FAM90A1: variants seen among roughly 807,000 people sequenced by gnomAD.
The protein encoded by FAM90A1 is family with sequence similarity 90 member A1, also known as protein FAM90A1.
FAM90A1 carries 10 observed loss-of-function variants against 14.8 expected under a neutral mutation model. The observed-to-expected ratio is 0.67, with a 90% CI of 0.42 to 1.14. The LOEUF is 1.14. Ranked by LOEUF, FAM90A1 falls within the 50% of genes most tolerant of loss-of-function variation. FAM90A1 has a pLI of 0.00. For missense variants in FAM90A1, 567 were observed against 602.8 expected (o/e 0.94, Z 0.62); for synonymous variants, 236 against 248.4 (o/e 0.95, Z 0.47).
rs1948905637 is a variant in FAM90A1, at chr12:8,224,753, G to C, written c.80C>G (p.Pro27Arg). The stretch of plus-strand genomic sequence containing the variant: ...GGGCGGGGGAGCCCTTGGCCCAACT[G>C]GGGCCCTCCGCTGCTTCTGGAGGGT... ...AQTLQKQRRAPVGPRAPPPDE... is the reference protein window; with the variant it reads ...AQTLQKQRRARVGPRAPPPDE... The change falls in exon 4 of 7, where the codon CCA (proline) becomes CGA (arginine). Residue 27 changes from proline (P) to arginine (R), a missense_variant. By Grantham distance (103) the Pro-to-Arg change is moderately radical. Transcript: ENST00000538603. 1 of 1,592,492 alleles carries C rather than the reference G, an allele frequency of 6.3e-7. No homozygotes were observed. Among genetic ancestry groups the C allele is most frequent in the Non-Finnish European group, 8.5e-7 (1 of 1,170,042 alleles).
At chr12:8,227,397 G>A (rs1948966118) in intron 1 of FAM90A1, 83 bp downstream of exon 1, 2 of 387,364 alleles carry the variant, frequency 5.2e-6, no homozygotes, top group Non-Finnish European at 9.4e-6. Flanking sequence ...CAGGGCAGCG[G>A]GAGTCCTCGT....
In FAM90A1 at chr12:8,222,786, T is replaced by C. The variant is rs753725619; in HGVS notation, c.433-2A>G. On this transcript the variant is annotated splice_acceptor_variant, in intron 6 of 6. Coordinates refer to ENST00000538603, the MANE Select transcript of FAM90A1 (RefSeq NM_018088.3). LOFTEE classifies it high-confidence loss of function. Reference sequence around the variant, plus strand: ...GACCGGCATTGGCCCGCTTGCAACCTGAAAGAGAGGAAACAACACAGGTTA... The same window carrying C: ...GACCGGCATTGGCCCGCTTGCAACCCGAAAGAGAGGAAACAACACAGGTTA... 7 of 1,592,052 alleles carry C rather than the reference T, an allele frequency of 4.4e-6. No individual in the cohort carries two copies. Among genetic ancestry groups the C allele is most frequent in the Non-Finnish European group, 6.0e-6 (7 of 1,176,270 alleles).
chr12:8,222,572 G>A lies in FAM90A1; in HGVS notation c.645C>T (p.Val215=), dbSNP rs375767746. The A allele has an allele frequency of 1.8e-4, 295 of 1,612,036 alleles. No homozygotes were observed. The African/African-American group carries it at 3.2e-3, about 17-fold the overall frequency. Residue 215 remains valine, a synonymous_variant, in exon 7 of 7, where the codon GTC becomes GTT. Transcript: ENST00000538603. Reference sequence around the variant, plus strand: ...GGAGAGGCTCGGGGCCCTGGTGCCTGACTGCAGTCTGAGGGATGTCGGCCG... The same window carrying A: ...GGAGAGGCTCGGGGCCCTGGTGCCTAACTGCAGTCTGAGGGATGTCGGCCG... ...GAAADIPQTA[V]RHQGPEPLLV...
At chr12:8,225,527 G>A (rs1007544311) in intron 3 of FAM90A1, among the ~76,000 whole-genome samples, 1 of 152,206 alleles carries the variant, frequency 6.6e-6, no homozygotes, top group Non-Finnish European at 1.5e-5. Context: ...GTGAACAAGT[G>A]CCATATCGTA....
chr12:8,227,499 C>G lies in FAM90A1; in HGVS notation c.-440G>C. On this transcript the variant is annotated 5_prime_UTR_variant, in exon 1 of 7. Transcript: ENST00000538603. Reference sequence around the variant, plus strand: ...GCTTACCCCGCCATGTTTTCAAGCCCGAGGCCAGCTGGCTGCAGGTGCAGG... The same window carrying G: ...GCTTACCCCGCCATGTTTTCAAGCCGGAGGCCAGCTGGCTGCAGGTGCAGG... 1 of 761,080 alleles carries G rather than the reference C, an allele frequency of 1.3e-6. No individual in the cohort carries two copies. Among genetic ancestry groups the G allele is most frequent in the Non-Finnish European group, 2.0e-6 (1 of 494,094 alleles). 47.1% of individuals were successfully genotyped at this position (761,080 alleles called of 1,614,324 possible).
intron 3 of FAM90A1, among the ~76,000 whole-genome samples, chr12:8,225,246 C>T (rs760676551): frequency 6.6e-5 from 10 of 152,340 alleles, no homozygotes; most frequent in Middle Eastern, 3.4e-3. Flanking sequence ...ACAGAATGAT[C>T]GAAGCCACAG....
In FAM90A1 at chr12:8,221,685, A is replaced by G. The variant is rs749028733; in HGVS notation, c.*137T>C. ...TGCTCCCTGCCTGGCCTGGGCTCCC[A>G]CATCCACAGAAGGGCCACAGCCGGG... On this transcript the variant is annotated 3_prime_UTR_variant, in exon 7 of 7. Coordinates refer to ENST00000538603, the MANE Select transcript of FAM90A1 (RefSeq NM_018088.3). The G allele has an allele frequency of 1.6e-5, 16 of 984,610 alleles. No individual in the cohort carries two copies. The highest frequency in any genetic ancestry group is 3.1e-4 in the Middle Eastern group (1 of 3,176). The allele number at this position is 984,610 out of a possible 1,614,324, so 61.0% of individuals were successfully genotyped here.
chr12:8,225,729 G>A (rs12310290), intron 3 of FAM90A1, 107 bp downstream of exon 3: 6 of 151,708 alleles, frequency 4.0e-5, no homozygotes, highest in Admixed American at 3.3e-4. Context: ...ACACCCTACC[G>A]CATCAGCAAG....
At position 8,222,502 on chromosome 12, in the gene FAM90A1, C is replaced by A. The variant is rs1423519131; in HGVS notation, c.715G>T (p.Glu239Ter). The A allele has an allele frequency of 1.9e-6, 3 of 1,611,088 alleles. No individual in the cohort carries two copies. In the East Asian group the frequency reaches 6.7e-5, roughly 36 times the overall value. ...GTTTTGGAGGCAGCCTGGGGAACTTCTCGACAGCCACCCGCAGGGCTGCTG... is the reference window on the plus strand; with the variant it reads ...GTTTTGGAGGCAGCCTGGGGAACTTATCGACAGCCACCCGCAGGGCTGCTG... ...THSSPAGGCR[E>*]VPQAASKTHG... Residue 239 changes from glutamate to a stop codon, truncating the protein, a stop_gained, in exon 7 of 7, where the codon GAA (glutamate) becomes TAA (stop). Coordinates refer to ENST00000538603, the MANE Select transcript of FAM90A1 (RefSeq NM_018088.3). LOFTEE classifies it low-confidence loss of function (END_TRUNC).
At chr12:8,222,904 G>A (rs759244659) in intron 6 of FAM90A1, 120 bp from the exon 7 acceptor site, 58 of 1,153,900 alleles carry the variant, frequency 5.0e-5, no homozygotes, top group South Asian at 5.0e-4. Flanking sequence ...ATCGACAGGC[G>A]GTCCTTGGAA....
chr12:8,224,347 C>T (rs748528715), intron 4 of FAM90A1, 132 bp from the exon 5 acceptor site: 94 of 830,836 alleles, frequency 1.1e-4, no homozygotes, highest in African/African-American at 8.5e-4. Context: ...GCATGGGGGC[C>T]GTTAAGTGCT....
rs1938576608 is a variant in FAM90A1, at chr12:8,225,820, G to A, written c.-57+16C>T. The A allele has an allele frequency of 6.6e-6, 1 of 152,048 alleles. No individual in the cohort carries two copies. The highest frequency in any genetic ancestry group is 1.5e-5 in the Non-Finnish European group (1 of 68,036). 9.4% of individuals were successfully genotyped at this position (152,048 alleles called of 1,614,324 possible). ...CAGGGATTGCGTGAAACAAACAACTGTTCAGTGAAACTAACCTGAAATTAC... is the reference window on the plus strand; with the variant it reads ...CAGGGATTGCGTGAAACAAACAACTATTCAGTGAAACTAACCTGAAATTAC... On this transcript the variant is annotated intron_variant, in intron 3 of 6. Coordinates refer to ENST00000538603, the MANE Select transcript of FAM90A1 (RefSeq NM_018088.3).
chr12:8,224,020 G>T lies in FAM90A1; in HGVS notation c.319C>A (p.Pro107Thr), dbSNP rs1311981208. 8 of 1,611,960 alleles carry T rather than the reference G, an allele frequency of 5.0e-6. No individual in the cohort carries two copies. Among genetic ancestry groups the T allele is most frequent in the Admixed American group, 1.7e-5 (1 of 60,014 alleles). Residue 107 changes from proline to threonine, a missense_variant, in exon 5 of 7, where the codon CCA becomes ACA. Coordinates refer to ENST00000538603, the MANE Select transcript of FAM90A1 (RefSeq NM_018088.3). The stretch of plus-strand genomic sequence containing the variant: ...AAAACCACTCCCACTGCTCACCTTG[G>T]TCTCTCTTCCTTCTCTCCCTTATCC... ...NKDKGEKEER[P>T]RPQDPQRKAL...
At position 8,224,902 on chromosome 12, in the gene FAM90A1, A is replaced by C. The variant is rs1948911835; in HGVS notation, c.-56-14T>G. The C allele has an allele frequency of 6.4e-7, 1 of 1,564,410 alleles. No homozygotes were observed. Among genetic ancestry groups the C allele is most frequent in the Admixed American group, 1.7e-5 (1 of 59,598 alleles). On this transcript the variant is annotated splice_polypyrimidine_tract_variant and intron_variant, in intron 3 of 6. Transcript: ENST00000538603. ...TTGTCGGGTCACCTGAAACACACAC[A>C]AACACACACAAGTCGATGGTTAAGC...
At position 8,224,833 on chromosome 12, in the gene FAM90A1, C is replaced by T; in HGVS notation, c.-1G>A. 2 of 1,606,106 alleles carry T rather than the reference C, an allele frequency of 1.2e-6. No homozygotes were observed. The highest frequency in any genetic ancestry group is 2.3e-5 in the East Asian group (1 of 44,392). The stretch of plus-strand genomic sequence containing the variant: ...GTTTGGGGTCACGACGTGCCATCAT[C>T]TTCGTCTCCTGGGGGTTTTATGACC... On this transcript the variant is annotated 5_prime_UTR_variant, in exon 4 of 7. Coordinates refer to ENST00000538603, the MANE Select transcript of FAM90A1 (RefSeq NM_018088.3).
rs761787607 is a variant in FAM90A1, at chr12:8,221,953, C to G, written c.1264G>C (p.Ala422Pro). Residue 422 changes from alanine to proline, a missense_variant, in exon 7 of 7, where the codon GCC (alanine) becomes CCC (proline). Transcript: ENST00000538603. ...PSFHSPEKPG[A>P]FLAQSPHVSE... Reference sequence around the variant, plus strand: ...ACATGAGGGCTCTGAGCGAGGAAGGCTCCCGGCTTCTCAGGAGAGTGAAAT... The same window carrying G: ...ACATGAGGGCTCTGAGCGAGGAAGGGTCCCGGCTTCTCAGGAGAGTGAAAT... The G allele has an allele frequency of 1.3e-6, 2 of 1,596,710 alleles. No homozygotes were observed. The highest frequency in any genetic ancestry group is 1.7e-6 in the Non-Finnish European group (2 of 1,179,760).
rs201860555 is a variant in FAM90A1 at position 8,222,792 on chromosome 12, A to G, written c.433-8T>C. On this transcript the variant is annotated splice_region_variant and splice_polypyrimidine_tract_variant and intron_variant, in intron 6 of 6. Transcript: ENST00000538603. ...CATTGGCCCGCTTGCAACCTGAAAG[A>G]GAGGAAACAACACAGGTTAGAAGTT... The G allele has an allele frequency of 6.3e-7, 1 of 1,587,718 alleles. No individual in the cohort carries two copies.
chr12:8,226,773 T>C (rs945515416), intron 1 of FAM90A1, among the ~76,000 whole-genome samples: 5 of 73,758 alleles, frequency 6.8e-5, no homozygotes, highest in Non-Finnish European at 5.4e-5. Context: ...CCAAGCATCT[T>C]TTTTTTTTTC....
In FAM90A1 at chr12:8,224,089, GTTTCAGGT is replaced by G. The variant is rs1948888616; in HGVS notation, c.242_249del (p.Asn81ThrfsTer7). On this transcript the variant is annotated frameshift_variant, in exon 5 of 7. Coordinates refer to ENST00000538603, the MANE Select transcript of FAM90A1 (RefSeq NM_018088.3). LOFTEE classifies it high-confidence loss of function. ...TTCGCTTCAACCTGGGGCTTCCATG[GTTTCAGGT>G]TTTCCTTCCCTTCCTTTTCCCCAAA... The G allele has an allele frequency of 6.2e-7, 1 of 1,611,914 alleles. No homozygotes were observed. Among genetic ancestry groups the G allele is most frequent in the South Asian group, 1.1e-5 (1 of 90,994 alleles).
Sources: gnomAD v4.1 joint callset for allele counts (sites outside exome capture counted in the v4.1 genomes callset) on GRCh38, gnomAD v4.1.1 for gene constraint, MANE v1.5 for transcripts, NCBI Gene and HGNC (gene_info 2026-07-23, HGNC 2026-07-21) for gene names.